Variants in KANK1 observed in about 807,000 individuals in gnomAD.
KANK1 encodes KN motif and ankyrin repeat domains 1, also known as KN motif and ankyrin repeat domain-containing protein 1.
KANK1 carries 109 observed loss-of-function variants against 106.2 expected under a neutral mutation model. The ratio of observed to expected loss-of-function variants is 1.03; its 90% CI spans 0.88 to 1.20. The LOEUF is 1.20. KANK1 is among the 50% of genes most tolerant of loss of function. The pLI is 0.00. For missense variants in KANK1, 2,399 were observed against 1,710.7 expected, an observed-to-expected ratio of 1.40 and a Z score of -7.10; for synonymous variants, 873 against 652.2, an observed-to-expected ratio of 1.34 and a Z score of -5.16.
intron 1 of KANK1, among the ~76,000 whole-genome samples, chr9:529,207 A>G (rs2133450011): frequency 6.6e-6 from 1 of 152,050 alleles, no homozygotes; most frequent in East Asian, 1.9e-4. Flanking sequence ...CTCCTTCCAG[A>G]GATAACTCTG....
chr9:658,207 G>A (rs1020701132), intron 1 of KANK1, among the ~76,000 whole-genome samples: 1 of 152,106 alleles, frequency 6.6e-6, no homozygotes, highest in African/African-American at 2.4e-5. Context: ...TCTCTTTAAA[G>A]ATAGTAAGAA....
intron 2 of KANK1, among the ~76,000 whole-genome samples, chr9:699,113 G>A (rs1589010709): frequency 6.6e-6 from 1 of 152,226 alleles, no homozygotes; most frequent in East Asian, 1.9e-4. Context: ...CACACTGCCC[G>A]GTGGACTCCT....
intron 3 of KANK1, among the ~76,000 whole-genome samples, chr9:729,738 A>G (rs985076504): frequency 6.6e-6 from 1 of 152,136 alleles, no homozygotes; most frequent in Non-Finnish European, 1.5e-5. Flanking sequence ...AATGCTCTGA[A>G]GCATTGTGCC....
intron 1 of KANK1, among the ~76,000 whole-genome samples, chr9:655,355 G>A (rs1295139056): frequency 7.9e-6 from 1 of 126,176 alleles, no homozygotes; most frequent in Admixed American, 8.8e-5. Context: ...TGGGAAACAA[G>A]AGCAAAATTC....
rs1037971538 is a variant in KANK1 at position 711,768 on chromosome 9, G to T, written c.1002G>T (p.Gln334His). 2.2e-5 allele frequency: 36 copies of T among 1,614,228 alleles called. No individual in the cohort carries two copies. Among genetic ancestry groups the T allele is most frequent in the Non-Finnish European group, 2.9e-5 (34 of 1,180,034 alleles). ...CGGGGAACGCCTCCCAGCTGGAACA[G>T]CTCTCCCGGGCCCGAAGAAGTGGCG... Reference protein sequence around the residue: ...YSAGNASQLEQLSRARRSGGE... With the variant: ...YSAGNASQLEHLSRARRSGGE... The change falls in exon 3 of 12, where the codon CAG becomes CAT. Residue 334 changes from glutamine (Q) to histidine (H), a missense_variant. Transcript: ENST00000382297.
Position 590,635 on chromosome 9 carries a change from C to T in KANK1, c.-84+85881C>T, listed in dbSNP as rs548657044. On this transcript the variant is annotated intron_variant, in intron 1 of 11. Transcript: ENST00000382297. ...TAAATAACCACTGTTTATATTCTTC[C>T]GGAGATTTTTTTTTTTAGGTGTGTA... Among the ~76,000 whole-genome samples, 14 of 121,322 alleles carry T rather than the reference C, an allele frequency of 1.2e-4. No homozygotes were observed. In the East Asian group the frequency reaches 2.0e-3, roughly 17 times the overall value. 79.6% of individuals were successfully genotyped at this position (121,322 alleles called of 152,430 possible).
intron 1 of KANK1, among the ~76,000 whole-genome samples, chr9:535,119 C>T (rs1227466934): frequency 1.3e-5 from 2 of 152,170 alleles, no homozygotes; most frequent in African/African-American, 2.4e-5. Context: ...CTGCAGTGGG[C>T]AAGTTTCCAG....
intron 1 of KANK1, among the ~76,000 whole-genome samples, chr9:620,245 A>G (rs899880391): frequency 6.6e-6 from 1 of 152,176 alleles, no homozygotes; most frequent in Non-Finnish European, 1.5e-5. Flanking sequence ...CGTACCCTCT[A>G]TTACTCAGTG....
chr9:503,509 C>G (rs189203056), upstream of KANK1, among the ~76,000 whole-genome samples: 1 of 152,208 alleles, frequency 6.6e-6, no homozygotes, highest in African/African-American at 2.4e-5. Flanking sequence ...AGCGTCTTCT[C>G]CCCAGAGGCA....
chr9:690,899 G>A (rs1441813861), intron 2 of KANK1, among the ~76,000 whole-genome samples: 3 of 152,140 alleles, frequency 2.0e-5, no homozygotes, highest in African/African-American at 4.8e-5. Context: ...CTCACTGGGC[G>A]TCACCTTTTC....
intron 1 of KANK1, among the ~76,000 whole-genome samples, chr9:597,428 A>C (rs1175595617): frequency 6.6e-6 from 1 of 151,752 alleles, no homozygotes; most frequent in Non-Finnish European, 1.5e-5. Context: ...GTAGTATTTT[A>C]TTATGGTTTT....
chr9:744,784 G>A, intron 11 of KANK1, 195 bp downstream of exon 11: 5 of 1,469,792 alleles, frequency 3.4e-6, no homozygotes, highest in South Asian at 2.8e-5. Flanking sequence ...AGCAGAGGCT[G>A]GACCTTGCTT....
intron 1 of KANK1, among the ~76,000 whole-genome samples, chr9:592,784 T>C (rs377203627): frequency 7.2e-5 from 11 of 152,078 alleles, no homozygotes; most frequent in East Asian, 3.9e-4. Flanking sequence ...TTGTAGTTCT[T>C]GTTTATTAGA....
chr9:593,509 C>T (rs1239458688), intron 1 of KANK1, among the ~76,000 whole-genome samples: 1 of 143,424 alleles, frequency 7.0e-6, no homozygotes, highest in Non-Finnish European at 1.5e-5. Context: ...CTTTGTTATA[C>T]ACCTCAGTGG....
At chr9:501,356 C>G (rs1416880617), upstream of KANK1, among the ~76,000 whole-genome samples, 1 of 152,078 alleles carries the variant, frequency 6.6e-6, no homozygotes, top group Non-Finnish European at 1.5e-5. Context: ...CAGTCTCCAT[C>G]TTTTCTTGAA....
chr9:631,184 C>T (rs1390283483), intron 1 of KANK1, among the ~76,000 whole-genome samples: 2 of 152,092 alleles, frequency 1.3e-5, no homozygotes, highest in Non-Finnish European at 2.9e-5. Context: ...AGACAAAGGG[C>T]ATGAGTTTAT....
intron 1 of KANK1, among the ~76,000 whole-genome samples, chr9:551,427 C>T (rs993006543): frequency 1.3e-5 from 2 of 152,058 alleles, no homozygotes; most frequent in Non-Finnish European, 2.9e-5. Flanking sequence ...AGTTGTTTTT[C>T]AGGTTTTTCT....
At chr9:658,576 A>C (rs1842644854) in intron 1 of KANK1, among the ~76,000 whole-genome samples, 1 of 152,094 alleles carries the variant, frequency 6.6e-6, no homozygotes, top group African/African-American at 2.4e-5. Context: ...CTAGGTCTTA[A>C]AGATCTTCTA....
At chr9:534,130 C>G (rs2060189984) in intron 1 of KANK1, among the ~76,000 whole-genome samples, 1 of 152,170 alleles carries the variant, frequency 6.6e-6, no homozygotes. Flanking sequence ...AACTGCCTAT[C>G]TCGATTTGCT....
Sources: allele counts gnomAD v4.1 joint callset (sites outside exome capture counted in the v4.1 genomes callset), GRCh38; gene constraint gnomAD v4.1.1; transcripts MANE v1.5; gene names NCBI Gene and HGNC (gene_info 2026-07-23, HGNC 2026-07-21).